ELK3: variants seen among roughly 807,000 people sequenced by gnomAD.
The protein encoded by ELK3 is ETS domain-containing protein Elk-3.
Under a neutral mutation model 28.9 loss-of-function variants are expected in ELK3, and 10 were observed. The ratio of observed to expected loss-of-function variants is 0.35; its 90% CI spans 0.21 to 0.59. The LOEUF (loss-of-function observed/expected upper bound fraction) is 0.59, where lower values mean the gene tolerates loss of function less well. ELK3 is among the 20% of genes least tolerant of loss of function. ELK3 has a pLI of 0.82. For missense variants in ELK3, 463 were observed against 517.3 expected, an observed-to-expected ratio of 0.90 and a Z score of 1.02; for synonymous variants, 272 against 243.5, an observed-to-expected ratio of 1.12 and a Z score of -1.09.
chr12:96,215,746 TCACCC>T (rs1951611294), intron 1 of ELK3, among the ~76,000 whole-genome samples: 1 of 148,736 alleles, frequency 6.7e-6, no homozygotes, highest in Admixed American at 6.8e-5. Flanking sequence ...GGCGATCCTC[TCACCC>T]CAGCCTCTTG....
chr12:96,210,370 A>G (rs1457371218), intron 1 of ELK3, among the ~76,000 whole-genome samples: 1 of 152,144 alleles, frequency 6.6e-6, no homozygotes, highest in Non-Finnish European at 1.5e-5. Context: ...GCTGGGTACT[A>G]GGGACCTTGC....
At chr12:96,230,970 T>C (rs2137020687) in intron 2 of ELK3, among the ~76,000 whole-genome samples, 1 of 152,318 alleles carries the variant, frequency 6.6e-6, no homozygotes, top group Non-Finnish European at 1.5e-5. Context: ...CGGCATGTTT[T>C]GCAACCCGGG....
chr12:96,197,022 C>T (rs1423063152), intron 1 of ELK3, among the ~76,000 whole-genome samples: 1 of 152,086 alleles, frequency 6.6e-6, no homozygotes, highest in African/African-American at 2.4e-5. Context: ...GCATTGAAAG[C>T]TGTGAGTAGG....
intron 1 of ELK3, among the ~76,000 whole-genome samples, chr12:96,198,592 A>G (rs577063738): frequency 2.3e-4 from 35 of 152,314 alleles, no homozygotes; most frequent in Admixed American, 2.3e-3. Context: ...GACTTATAAC[A>G]CACTTTGAGA....
At chr12:96,236,856 G>A (rs1417534688) in intron 2 of ELK3, among the ~76,000 whole-genome samples, 2 of 152,232 alleles carry the variant, frequency 1.3e-5, no homozygotes, top group East Asian at 1.9e-4. Context: ...AGACAGAAGT[G>A]TGTAATCCAG....
chr12:96,228,975 T>C (rs1014321405), intron 2 of ELK3, among the ~76,000 whole-genome samples: 8 of 152,250 alleles, frequency 5.3e-5, no homozygotes, highest in East Asian at 1.9e-4. Flanking sequence ...ATTCCAGTTA[T>C]GTGTATTTAT....
chr12:96,260,256 G>A (rs1456027203), intron 4 of ELK3, among the ~76,000 whole-genome samples: 1 of 151,956 alleles, frequency 6.6e-6, no homozygotes, highest in Admixed American at 6.6e-5. Flanking sequence ...ACCAGCCTGG[G>A]CAACACAGCA....
At chr12:96,245,362 C>T (rs1037611911) in intron 2 of ELK3, among the ~76,000 whole-genome samples, 5 of 152,090 alleles carry the variant, frequency 3.3e-5, no homozygotes, top group Admixed American at 1.3e-4. Flanking sequence ...AAAAAGCTTA[C>T]GCTTTAGAAT....
chr12:96,199,485 T>TGTGTGTGTGG (rs1319475841), intron 1 of ELK3, among the ~76,000 whole-genome samples: 1 of 135,574 alleles, frequency 7.4e-6, no homozygotes, highest in Non-Finnish European at 1.5e-5. Flanking sequence ...ATTAGCTGTG[T>TGTGTGTGTGG]GTGTGTGTGT....
intron 2 of ELK3, among the ~76,000 whole-genome samples, chr12:96,233,639 A>G (rs1592681257): frequency 1.3e-5 from 2 of 152,240 alleles, no homozygotes; most frequent in South Asian, 2.1e-4. Flanking sequence ...TCTGAGATCA[A>G]CTGCCTCTCC....
intron 1 of ELK3, among the ~76,000 whole-genome samples, chr12:96,201,124 A>C (rs1005358537): frequency 2.6e-5 from 4 of 152,258 alleles, no homozygotes; most frequent in African/African-American, 7.2e-5. Context: ...CTTAGTTAAA[A>C]ATAAATCAGA....
At chr12:96,208,201 G>A (rs557359679) in intron 1 of ELK3, among the ~76,000 whole-genome samples, 9 of 152,190 alleles carry the variant, frequency 5.9e-5, no homozygotes, top group African/African-American at 2.2e-4. Context: ...ATAGGCGCCC[G>A]CCACCACTCC....
At chr12:96,233,945 G>A (rs866300970) in intron 2 of ELK3, among the ~76,000 whole-genome samples, 1 of 152,234 alleles carries the variant, frequency 6.6e-6, no homozygotes, top group Admixed American at 6.5e-5. Context: ...ATGGTTGGAA[G>A]CATAACAGAT....
intron 1 of ELK3, among the ~76,000 whole-genome samples, chr12:96,218,094 C>T (rs966186413): frequency 2.6e-5 from 4 of 152,074 alleles, no homozygotes; most frequent in Admixed American, 2.0e-4. Context: ...CTCTGCATTA[C>T]AAAGGGAAAG....
At chr12:96,234,437 G>A (rs1056789413) in intron 2 of ELK3, among the ~76,000 whole-genome samples, 1 of 152,128 alleles carries the variant, frequency 6.6e-6, no homozygotes, top group African/African-American at 2.4e-5. Context: ...GGAAAATTTA[G>A]TGGTTGTGTA....
At chr12:96,246,353 C>T (rs967892634) in intron 2 of ELK3, among the ~76,000 whole-genome samples, 5 of 152,116 alleles carry the variant, frequency 3.3e-5, no homozygotes, top group Non-Finnish European at 7.3e-5. Flanking sequence ...TAATCCCATC[C>T]ACATAGTAAA....
intron 1 of ELK3, 139 bp from the exon 2 acceptor site, chr12:96,223,426 A>C: frequency 1.4e-6 from 1 of 731,418 alleles, no homozygotes; most frequent in East Asian, 2.7e-5. Context: ...CTTGAGATGG[A>C]AGTGAAAGCT....
chr12:96,223,544 C>T (rs2137014605), intron 1 of ELK3, 21 bp from the exon 2 acceptor site: 1 of 1,613,328 alleles, frequency 6.2e-7, no homozygotes, highest in African/African-American at 1.3e-5. Context: ...GCAGCTCTGA[C>T]CTGGCCTCCT....
intron 2 of ELK3, among the ~76,000 whole-genome samples, chr12:96,242,987 C>G (rs1951831584): frequency 6.6e-6 from 1 of 152,168 alleles, no homozygotes; most frequent in African/African-American, 2.4e-5. Context: ...GGTGTCCTCT[C>G]TGCTCCCCCA....
Sources: gnomAD v4.1 joint callset for allele counts (sites outside exome capture counted in the v4.1 genomes callset) on GRCh38, gnomAD v4.1.1 for gene constraint, MANE v1.5 for transcripts, NCBI Gene and HGNC (gene_info 2026-07-23, HGNC 2026-07-21) for gene names.